ZNF676: variants seen among roughly 807,000 people sequenced by gnomAD.
ZNF676 encodes the protein zinc finger protein 676.
A neutral mutation model predicts 6.0 loss-of-function variants in ZNF676; 4 were observed. The observed-to-expected ratio is 0.67, with a 90% CI of 0.33 to 1.53. The LOEUF (loss-of-function observed/expected upper bound fraction) is 1.53. ZNF676 is among the 40% of genes most tolerant of loss of function. The probability of loss-of-function intolerance (pLI) is 0.06; values close to 1 mark genes in which losing one functional copy is unlikely to be tolerated. For synonymous variants in ZNF676, 198 were observed against 223.1 expected (o/e 0.89, Z 1.00); for missense variants, 644 against 679.7 (o/e 0.95, Z 0.58).
chr19:22,224,189 C>G, the ZNF676 span, among the ~76,000 whole-genome samples: 3 of 147,798 alleles, frequency 2.0e-5, no homozygotes, highest in Non-Finnish European at 4.5e-5. Flanking sequence ...ATGTTGCATA[C>G]TAGATCTGAT....
intron 1 of ZNF676, among the ~76,000 whole-genome samples, chr19:22,212,199 C>CAAAAAAAAA (rs34421901): frequency 8.4e-6 from 1 of 119,144 alleles, no homozygotes. Flanking sequence ...GATTCTGTCT[C>CAAAAAAAAA]AAAAAAAAAA....
chr19:22,197,206 T>C (rs962440370), upstream of ZNF676, among the ~76,000 whole-genome samples: 8 of 151,460 alleles, frequency 5.3e-5, no homozygotes, highest in Admixed American at 1.3e-4. Context: ...GCTGTAATCC[T>C]AGCTACTCGG....
Position 22,179,699 on chromosome 19 carries a change from T to G in ZNF676, c.*251A>C. Reference sequence around the variant, plus strand: ...AAGTCTTTATCACATTCTTCGCATTTGTAGGGTTTCTCTCCAGTATGAATT... The same window carrying G: ...AAGTCTTTATCACATTCTTCGCATTGGTAGGGTTTCTCTCCAGTATGAATT... On this transcript the variant is annotated 3_prime_UTR_variant, in exon 3 of 3. Coordinates refer to ENST00000397121, the MANE Select transcript of ZNF676 (RefSeq NM_001001411.3). 1 of 719,636 alleles carries G rather than the reference T, an allele frequency of 1.4e-6. No homozygotes were observed. Among genetic ancestry groups the G allele is most frequent in the Non-Finnish European group, 2.5e-6 (1 of 394,778 alleles). 44.6% of individuals were successfully genotyped at this position (719,636 alleles called of 1,614,324 possible).
Position 22,180,747 on chromosome 19 carries a change from G to A in ZNF676, c.970C>T (p.Leu324Phe). 1.9e-6 allele frequency: 3 copies of A among 1,613,138 alleles called. No homozygotes were observed. Among genetic ancestry groups the A allele is most frequent in the Non-Finnish European group, 2.5e-6 (3 of 1,179,486 alleles). ...GCATGAATTCTCTTGTGTTCAGTAAGGCTTGAGGACCAGCTGAAGGCTTTG... is the reference window on the plus strand; with the variant it reads ...GCATGAATTCTCTTGTGTTCAGTAAAGCTTGAGGACCAGCTGAAGGCTTTG... ...CGKAFSWSSS[L>F]TEHKRIHAGE... is the part of the protein sequence containing the mutation. Residue 324 changes from leucine to phenylalanine, a missense_variant, in exon 3 of 3, where the codon CTT (leucine) becomes TTT (phenylalanine). Around this residue, in one of 5 missense-constraint regions of ZNF676, gnomAD observed 29 missense variants for 44.4 expected, o/e 0.65. Coordinates refer to ENST00000397121, the MANE Select transcript of ZNF676 (RefSeq NM_001001411.3).
intron 2 of ZNF676, among the ~76,000 whole-genome samples, chr19:22,188,658 CAA>C (rs2023868096): frequency 1.3e-5 from 2 of 152,162 alleles, no homozygotes; most frequent in African/African-American, 2.4e-5. Context: ...GCAACTTCAG[CAA>C]AGTCTCAGGA....
intron 2 of ZNF676, among the ~76,000 whole-genome samples, chr19:22,187,947 A>G (rs2023860196): frequency 6.6e-6 from 1 of 150,688 alleles, no homozygotes; most frequent in South Asian, 2.1e-4. Context: ...TACAAAGAAG[A>G]GCCGATTCTT....
the ZNF676 span, among the ~76,000 whole-genome samples, chr19:22,252,896 G>A: frequency 7.2e-5 from 11 of 152,328 alleles, 1 homozygote; most frequent in South Asian, 2.3e-3. Flanking sequence ...CTAGGCTGAG[G>A]TATATGTCAC....
chr19:22,253,612 C>T, the ZNF676 span, among the ~76,000 whole-genome samples: 1 of 151,738 alleles, frequency 6.6e-6, no homozygotes, highest in East Asian at 1.9e-4. Context: ...TAAGAGTCAA[C>T]ATCTCTCCAT....
upstream of ZNF676, among the ~76,000 whole-genome samples, chr19:22,215,937 A>G (rs1161726647): frequency 5.3e-5 from 8 of 152,200 alleles, no homozygotes; most frequent in Admixed American, 1.3e-4. Context: ...AAGAGAGCCA[A>G]CGTAGGCTGC....
At chr19:22,212,779 G>A (rs281178) in intron 1 of ZNF676, among the ~76,000 whole-genome samples, 64,246 of 151,538 alleles carry the variant, frequency 0.42, 14,418 homozygotes, top group African/African-American at 0.58. Flanking sequence ...GGTGGATCAC[G>A]AGGTCAAGAG....
chr19:22,213,128 C>T (rs1225987915), intron 1 of ZNF676, among the ~76,000 whole-genome samples: 2 of 152,176 alleles, frequency 1.3e-5, no homozygotes, highest in African/African-American at 2.4e-5. Context: ...GCCACCCCAT[C>T]CTGTTCACTT....
the ZNF676 span, among the ~76,000 whole-genome samples, chr19:22,235,008 G>GA: frequency 9.2e-6 from 1 of 108,966 alleles, no homozygotes; most frequent in Non-Finnish European, 1.9e-5. Context: ...AAGAAAGAAA[G>GA]AAAGAAAGAA....
At chr19:22,253,768 G>T in the ZNF676 span, among the ~76,000 whole-genome samples, 4 of 151,944 alleles carry the variant, frequency 2.6e-5, no homozygotes, top group African/African-American at 9.7e-5. Context: ...CTCCAATGGG[G>T]TCTGTCCATC....
chr19:22,235,703 T>A, the ZNF676 span, among the ~76,000 whole-genome samples: 1 of 152,182 alleles, frequency 6.6e-6, no homozygotes, highest in Non-Finnish European at 1.5e-5. Context: ...AATGGACAAC[T>A]GTGATATTTG....
the ZNF676 span, among the ~76,000 whole-genome samples, chr19:22,247,476 A>G: frequency 6.6e-6 from 1 of 152,090 alleles, no homozygotes; most frequent in African/African-American, 2.4e-5. Context: ...AGGTGGGAGA[A>G]TCACTTGAAC....
the ZNF676 span, among the ~76,000 whole-genome samples, chr19:22,250,457 G>A: frequency 6.6e-6 from 1 of 152,068 alleles, no homozygotes; most frequent in African/African-American, 2.4e-5. Flanking sequence ...GTCTCACTCT[G>A]TTGCCCAGGC....
At chr19:22,211,188 C>T (rs974306240) in intron 1 of ZNF676, among the ~76,000 whole-genome samples, 3 of 151,946 alleles carry the variant, frequency 2.0e-5, no homozygotes, top group Non-Finnish European at 2.9e-5. Context: ...ATAAGACACT[C>T]CCAAACCCCT....
At chr19:22,216,958 A>T (rs1457658802), upstream of ZNF676, among the ~76,000 whole-genome samples, 4 of 151,306 alleles carry the variant, frequency 2.6e-5, no homozygotes, top group Non-Finnish European at 5.9e-5. Flanking sequence ...AAGCCAAAAC[A>T]TATAAACTTA....
chr19:22,253,460 ATG>A, the ZNF676 span, among the ~76,000 whole-genome samples: 155 of 87,418 alleles, frequency 1.8e-3, 1 homozygote, highest in African/African-American at 4.9e-3. Flanking sequence ...ATATATGATA[ATG>A]TGTGTATATA....
Sources: allele counts gnomAD v4.1 joint callset (sites outside exome capture counted in the v4.1 genomes callset), GRCh38; gene constraint gnomAD v4.1.1; regional missense constraint gnomAD v4.1.1; transcripts MANE v1.5; gene names NCBI Gene and HGNC (gene_info 2026-07-23, HGNC 2026-07-21).